NSMCE2: variants seen among roughly 807,000 people sequenced by gnomAD.
The protein encoded by NSMCE2 is E3 SUMO-protein ligase NSE2.
NSMCE2 carries 24 observed loss-of-function variants against 23.8 expected under a neutral mutation model. The observed-to-expected ratio is 1.01, with a 90% CI of 0.73 to 1.42. The LOEUF is 1.42. Among genes scored for constraint, NSMCE2 ranks in the 40% most tolerant of loss-of-function variants. The pLI, the probability that NSMCE2 is intolerant of heterozygous loss-of-function variation, is 0.00. For synonymous variants in NSMCE2, 92 were observed against 94.1 expected (o/e 0.98, Z 0.13); for missense variants, 284 against 296.5 (o/e 0.96, Z 0.31).
chr8:125,127,387 GA>G (rs1222916231), intron 3 of NSMCE2, among the ~76,000 whole-genome samples: 1 of 152,012 alleles, frequency 6.6e-6, no homozygotes, highest in African/African-American at 2.4e-5. Flanking sequence ...TTCTTAATAG[GA>G]AAAAATGATG....
chr8:125,117,689 T>A lies in NSMCE2; in HGVS notation c.157+15202T>A, dbSNP rs533489111. ...CACCACGATCCCCAGCTAATTTTTT[T>A]ATTATTTTTAGAGACAAGGTCTTGC... On this transcript the variant is annotated intron_variant, in intron 3 of 7. Transcript: ENST00000287437. Among the ~76,000 whole-genome samples, 26 of 152,228 alleles carry A rather than the reference T, an allele frequency of 1.7e-4. No homozygotes were observed. The South Asian group carries it at 2.3e-3, about 13-fold the overall frequency.
chr8:125,294,821 A>G (rs1200847207), intron 5 of NSMCE2, among the ~76,000 whole-genome samples: 1 of 152,232 alleles, frequency 6.6e-6, no homozygotes, highest in Non-Finnish European at 1.5e-5. Flanking sequence ...TGAGCTACTC[A>G]AGTACTACTA....
intron 5 of NSMCE2, among the ~76,000 whole-genome samples, chr8:125,330,781 A>C (rs6989407): frequency 6.6e-6 from 1 of 152,042 alleles, no homozygotes; most frequent in Non-Finnish European, 1.5e-5. Flanking sequence ...ATGATCACCC[A>C]ACATTGCCTC....
intron 4 of NSMCE2, among the ~76,000 whole-genome samples, chr8:125,156,733 A>G (rs765834927): frequency 2.6e-5 from 4 of 152,258 alleles, no homozygotes; most frequent in Non-Finnish European, 5.9e-5. Flanking sequence ...AATCTTAGAT[A>G]TAATAAAGGA....
chr8:125,291,513 C>T (rs1214601283), intron 5 of NSMCE2, among the ~76,000 whole-genome samples: 1 of 152,060 alleles, frequency 6.6e-6, no homozygotes, highest in Non-Finnish European at 1.5e-5. Context: ...CATTGGCCAA[C>T]TCTGCAAGCA....
chr8:125,361,022 A>G (rs555669352), intron 7 of NSMCE2, among the ~76,000 whole-genome samples: 2 of 152,182 alleles, frequency 1.3e-5, no homozygotes, highest in East Asian at 1.9e-4. Flanking sequence ...TCTGTTAACA[A>G]TAAGCCTATT....
chr8:125,260,115 G>A (rs747888615), intron 5 of NSMCE2, among the ~76,000 whole-genome samples: 6 of 152,184 alleles, frequency 3.9e-5, no homozygotes, highest in African/African-American at 1.4e-4. Flanking sequence ...AGTCAGTGTC[G>A]AAGCCAGAGC....
intron 5 of NSMCE2, among the ~76,000 whole-genome samples, chr8:125,320,235 G>GGAAGGAAGGAAGGAA (rs1829377690): frequency 3.0e-5 from 1 of 32,866 alleles, no homozygotes; most frequent in African/African-American, 7.7e-5. Flanking sequence ...AGGGAGGGAA[G>GGAAGGAAGGAAGGAA]GGAGGGAGGG....
At chr8:125,219,285 G>T (rs1009084699) in intron 5 of NSMCE2, among the ~76,000 whole-genome samples, 2 of 152,244 alleles carry the variant, frequency 1.3e-5, no homozygotes, top group East Asian at 3.9e-4. Flanking sequence ...AATTTATCTG[G>T]CTGGATTCCT....
At chr8:125,292,921 A>G (rs977364682) in intron 5 of NSMCE2, among the ~76,000 whole-genome samples, 2 of 152,178 alleles carry the variant, frequency 1.3e-5, no homozygotes, top group African/African-American at 2.4e-5. Context: ...TTGGCAGGTC[A>G]TACTTGTTGA....
At chr8:125,111,127 A>G (rs1023907657) in intron 3 of NSMCE2, among the ~76,000 whole-genome samples, 1 of 152,084 alleles carries the variant, frequency 6.6e-6, no homozygotes, top group Admixed American at 6.5e-5. Context: ...TTTTAGATCT[A>G]GTTCCTTTTG....
rs902289607 is a variant in NSMCE2, at chr8:125,220,543, A to G, written c.418+38287A>G. Among the ~76,000 whole-genome samples the G allele has an allele frequency of 2.6e-5, 4 of 152,172 alleles. No homozygotes were observed. In the East Asian group the frequency reaches 5.8e-4, roughly 22 times the overall value. ...TGTCAGAGAATTTCAACATAGTTGC[A>G]TAAATTGTGTTTCATATTACAACTT... On this transcript the variant is annotated intron_variant, in intron 5 of 7. Coordinates refer to ENST00000287437, the MANE Select transcript of NSMCE2 (RefSeq NM_173685.4).
chr8:125,115,170 T>C (rs1818941240), intron 3 of NSMCE2, among the ~76,000 whole-genome samples: 3 of 152,270 alleles, frequency 2.0e-5, no homozygotes, highest in South Asian at 4.2e-4. Flanking sequence ...GGGTGTTGGA[T>C]TGTAGAAGCC....
chr8:125,106,591 A>T (rs1264420272), intron 3 of NSMCE2, among the ~76,000 whole-genome samples: 1 of 151,956 alleles, frequency 6.6e-6, no homozygotes. Context: ...AGGCTGAGGC[A>T]GGAGAATAGC....
intron 3 of NSMCE2, among the ~76,000 whole-genome samples, chr8:125,133,789 AAAGAAAAAG>A: frequency 6.6e-6 from 1 of 152,168 alleles, no homozygotes; most frequent in African/African-American, 2.4e-5. Context: ...AAACAAAAAA[AAAGAAAAAG>A]AAAAAAGAAA....
chr8:125,145,785 C>T (rs2130648229), intron 3 of NSMCE2, among the ~76,000 whole-genome samples: 1 of 152,314 alleles, frequency 6.6e-6, no homozygotes, highest in South Asian at 2.1e-4. Context: ...TCTCCTGCTG[C>T]TCTTCATTTG....
chr8:125,284,676 G>C (rs1827825438), intron 5 of NSMCE2, among the ~76,000 whole-genome samples: 1 of 152,162 alleles, frequency 6.6e-6, no homozygotes, highest in South Asian at 2.1e-4. Context: ...TCTGCACCAT[G>C]TTCAGTACTT....
intron 5 of NSMCE2, among the ~76,000 whole-genome samples, chr8:125,218,692 G>A (rs1327128849): frequency 6.6e-6 from 1 of 152,126 alleles, no homozygotes; most frequent in Non-Finnish European, 1.5e-5. Context: ...GATTATAGGT[G>A]TGAGCCACTG....
chr8:125,117,329 C>G (rs1019201281), intron 3 of NSMCE2, among the ~76,000 whole-genome samples: 2 of 152,080 alleles, frequency 1.3e-5, no homozygotes, highest in Non-Finnish European at 2.9e-5. Flanking sequence ...TCAAGCAATT[C>G]TCACGCCTCA....
Sources: allele counts gnomAD v4.1 joint callset (sites outside exome capture counted in the v4.1 genomes callset), GRCh38; gene constraint gnomAD v4.1.1; transcripts MANE v1.5; gene names NCBI Gene and HGNC (gene_info 2026-07-23, HGNC 2026-07-21).